Variants in PAFAH2 observed in about 807,000 individuals in gnomAD.
The protein encoded by PAFAH2 is platelet activating factor acetylhydrolase 2, also known as platelet-activating factor acetylhydrolase 2, cytoplasmic.
Under a neutral mutation model 49.0 loss-of-function variants are expected in PAFAH2, and 42 were observed. That is an observed-to-expected ratio of 0.86 (90% CI 0.67 to 1.11). The LOEUF is 1.11. PAFAH2 is among the 50% of genes least tolerant of loss of function. PAFAH2 has a pLI of 0.00. For synonymous variants in PAFAH2, 184 were observed against 181.3 expected (o/e 1.01, Z -0.12); for missense variants, 503 against 501.8 (o/e 1.00, Z -0.02).
At position 25,984,435 on chromosome 1, in the gene PAFAH2, C is replaced by T. The variant is rs535675597; in HGVS notation, c.410+25G>A. 47 of 1,592,860 alleles carry T rather than the reference C, an allele frequency of 3.0e-5. 2 individuals carry two copies. The South Asian group carries it at 4.1e-4, about 14-fold the overall frequency. On this transcript the variant is annotated intron_variant, in intron 5 of 10. Coordinates refer to ENST00000374282, the MANE Select transcript of PAFAH2 (RefSeq NM_000437.4). The stretch of plus-strand genomic sequence containing the variant: ...TATATCCTAGCTCACTGCAGGCACC[C>T]AATCCATGGCGGCTCATCCCTCACC...
chr1:25,988,979 G>A (rs1199316021), intron 3 of PAFAH2, among the ~76,000 whole-genome samples: 1 of 152,084 alleles, frequency 6.6e-6, no homozygotes, highest in Non-Finnish European at 1.5e-5. Context: ...CAGAAGAGGG[G>A]TGACTGGAGG....
intron 2 of PAFAH2, among the ~76,000 whole-genome samples, chr1:25,990,240 A>G (rs1289713900): frequency 6.6e-6 from 1 of 152,150 alleles, no homozygotes; most frequent in East Asian, 1.9e-4. Flanking sequence ...CGTCTCTACT[A>G]TATATACATA....
rs946392694 is a variant in PAFAH2 at position 25,988,382 on chromosome 1, G to A, written c.245-55C>T. On this transcript the variant is annotated intron_variant, in intron 3 of 10. Transcript: ENST00000374282. ...GGCTGCCCCAAAGCTGTTATCCCAA[G>A]GGCAGCCTGAGTATAGGTATGGGTG... 24 of 1,364,602 alleles carry A rather than the reference G, an allele frequency of 1.8e-5. No homozygotes were observed. The South Asian group carries it at 2.9e-4, about 16-fold the overall frequency. The allele number at this position is 1,364,602 out of a possible 1,614,324, so 84.5% of individuals were successfully genotyped here. A position where few individuals can be genotyped will look rare whatever the true frequency, so the allele number is the denominator to read the frequency against.
chr1:25,988,893 G>A (rs188323001), intron 3 of PAFAH2, among the ~76,000 whole-genome samples: 194 of 151,492 alleles, frequency 1.3e-3, no homozygotes, highest in Non-Finnish European at 1.7e-3. Context: ...GTAAACTGCT[G>A]AGATGCCAAG....
chr1:25,987,800 C>T (rs1339378119), intron 4 of PAFAH2, among the ~76,000 whole-genome samples: 1 of 151,976 alleles, frequency 6.6e-6, no homozygotes, highest in Non-Finnish European at 1.5e-5. Flanking sequence ...ACTGCTTGAG[C>T]CCAAGAGGTT....
At chr1:25,966,255 T>C (rs1224185925) in intron 10 of PAFAH2, among the ~76,000 whole-genome samples, 1 of 152,094 alleles carries the variant, frequency 6.6e-6, no homozygotes, top group Non-Finnish European at 1.5e-5. Context: ...GATCCAGCAA[T>C]CCCACTACTG....
chr1:25,978,438 G>C (rs534805329), intron 7 of PAFAH2, among the ~76,000 whole-genome samples: 1 of 152,208 alleles, frequency 6.6e-6, no homozygotes, highest in East Asian at 1.9e-4. Flanking sequence ...AACCACATTA[G>C]TATATAAAGT....
intron 8 of PAFAH2, 131 bp downstream of exon 8, chr1:25,976,551 G>A: frequency 3.2e-6 from 2 of 632,144 alleles, no homozygotes; most frequent in South Asian, 4.1e-5. Context: ...CAGAGATCTT[G>A]TTTTCTTGTT....
At position 25,974,645 on chromosome 1, in the gene PAFAH2, G is replaced by A. The variant is rs141128904; in HGVS notation, c.764C>T (p.Ala255Val). The A allele has an allele frequency of 2.7e-5, 43 of 1,612,346 alleles. No homozygotes were observed. In the East Asian group the frequency reaches 6.7e-4, roughly 25 times the overall value. Reference sequence around the variant, plus strand: ...AAACATCCAAGCATCCAGAGCCACCGCACACCTGGAATAGGACCAGACATT... The same window carrying A: ...AAACATCCAAGCATCCAGAGCCACCACACACCTGGAATAGGACCAGACATT... The part of the protein sequence containing the change: ...ALAKETQFRC[A>V]VALDAWMFPL... Residue 255 changes from alanine (A) to valine (V), a missense_variant, in exon 9 of 11, where the codon GCG becomes GTG. Transcript: ENST00000374282.
At chr1:25,996,637 A>G (rs940274150) in intron 1 of PAFAH2, among the ~76,000 whole-genome samples, 2 of 152,136 alleles carry the variant, frequency 1.3e-5, no homozygotes, top group Non-Finnish European at 2.9e-5. Context: ...GCGAGACTCC[A>G]TCTCAAAAAA....
intron 6 of PAFAH2, 89 bp downstream of exon 6, chr1:25,983,857 A>C: frequency 7.8e-6 from 11 of 1,416,382 alleles, no homozygotes; most frequent in Non-Finnish European, 9.9e-6. Context: ...TGACATTTCA[A>C]GAGAGGGTTA....
At chr1:25,965,050 G>A (rs774765865) in intron 10 of PAFAH2, among the ~76,000 whole-genome samples, 4 of 152,140 alleles carry the variant, frequency 2.6e-5, no homozygotes, top group Non-Finnish European at 5.9e-5. Context: ...CATGTTACTT[G>A]TATAAACACA....
At chr1:25,996,374 T>C (rs2049936374) in intron 1 of PAFAH2, among the ~76,000 whole-genome samples, 1 of 149,452 alleles carries the variant, frequency 6.7e-6, no homozygotes, top group African/African-American at 2.5e-5. Context: ...CAAAAAGAAA[T>C]AGTAACTATG....
rs1338290682 is a variant in PAFAH2 at position 25,960,286 on chromosome 1, G to GGTCAGGGCC, written c.*1702_*1703insGGCCCTGAC. 3.3e-5 allele frequency: 5 copies of GGTCAGGGCC among 152,704 alleles called. No homozygotes were observed. The highest frequency in any genetic ancestry group is 7.3e-5 in the Non-Finnish European group (5 of 68,044). The allele number at this position is 152,704 out of a possible 1,614,324, so 9.5% of individuals were successfully genotyped here. Reference sequence around the variant, plus strand: ...AGGCCCAGCTTGCTCTGGTGGCCCTGACCATGGGCCATTGTGTAGAGATGC... The same window carrying GGTCAGGGCC: ...AGGCCCAGCTTGCTCTGGTGGCCCTGGTCAGGGCCACCATGGGCCATTGTGTAGAGATGC... On this transcript the variant is annotated 3_prime_UTR_variant, in exon 11 of 11. Coordinates refer to ENST00000374282, the MANE Select transcript of PAFAH2 (RefSeq NM_000437.4).
rs373614023 is a variant in PAFAH2, at chr1:25,974,684, C to A, written c.759-34G>T. On this transcript the variant is annotated intron_variant, in intron 8 of 10. Transcript: ENST00000374282. ...GGACCAGACATTTGGAATTGCCATGCGGATCCCAGGCAAGAATAGTTAGGG... is the reference window on the plus strand; with the variant it reads ...GGACCAGACATTTGGAATTGCCATGAGGATCCCAGGCAAGAATAGTTAGGG... 6.9e-6 allele frequency: 11 copies of A among 1,589,514 alleles called. No homozygotes were observed. The South Asian group carries it at 1.0e-4, about 15-fold the overall frequency.
intron 7 of PAFAH2, among the ~76,000 whole-genome samples, chr1:25,982,077 T>A (rs899945870): frequency 1.5e-4 from 23 of 150,708 alleles, no homozygotes; most frequent in Non-Finnish European, 2.8e-4. Flanking sequence ...AGGCTTGAAC[T>A]GCTAGCGACC....
In PAFAH2 at chr1:25,982,387, C is replaced by A. The variant is rs1377717454; in HGVS notation, c.643G>T (p.Gly215Cys). ...ACCTTCAAAGTCATCAGATCCAAGCCACCAGGCAAGATGTTGAAGACAGTC... is the reference window on the plus strand; with the variant it reads ...ACCTTCAAAGTCATCAGATCCAAGCAACCAGGCAAGATGTTGAAGACAGTC... ...GQTVFNILPG[G>C]LDLMTLKGNI... The change falls in exon 7 of 11, where the codon GGC becomes TGC. Residue 215 changes from glycine (G) to cysteine (C), a missense_variant. Gly to Cys is a radical substitution (Grantham distance 159). Coordinates refer to ENST00000374282, the MANE Select transcript of PAFAH2 (RefSeq NM_000437.4). 6.2e-7 allele frequency: 1 copy of A among 1,614,054 alleles called. No homozygotes were observed. Among genetic ancestry groups the A allele is most frequent in the East Asian group, 2.2e-5 (1 of 44,890 alleles).
At chr1:25,975,468 G>A (rs2049574808) in intron 8 of PAFAH2, among the ~76,000 whole-genome samples, 1 of 151,994 alleles carries the variant, frequency 6.6e-6, no homozygotes, top group Admixed American at 6.6e-5. Flanking sequence ...TGTAGTCCCA[G>A]CTATTTGAGA....
At chr1:25,986,357 A>T (rs2049781281) in intron 4 of PAFAH2, among the ~76,000 whole-genome samples, 1 of 152,204 alleles carries the variant, frequency 6.6e-6, no homozygotes, top group African/African-American at 2.4e-5. Context: ...AGCATAGCAC[A>T]GATGAAGACA....
Sources: allele counts gnomAD v4.1 joint callset (sites outside exome capture counted in the v4.1 genomes callset), GRCh38; gene constraint gnomAD v4.1.1; transcripts MANE v1.5; gene names NCBI Gene and HGNC (gene_info 2026-07-23, HGNC 2026-07-21).